Variants in DCT observed in about 807,000 individuals in gnomAD.
The protein encoded by DCT is dopachrome tautomerase.
DCT carries 47 observed loss-of-function variants against 53.0 expected under a neutral mutation model. That is an observed-to-expected ratio of 0.89 (90% CI 0.70 to 1.13). The LOEUF (loss-of-function observed/expected upper bound fraction) is 1.13. Among genes scored for constraint, DCT ranks in the 50% most tolerant of loss-of-function variants. The pLI, the probability that DCT is intolerant of heterozygous loss-of-function variation, is 0.00. For synonymous variants in DCT, 244 were observed against 237.0 expected (o/e 1.03, Z -0.27); for missense variants, 669 against 637.4 (o/e 1.05, Z -0.53).
At chr13:94,506,834 A>T in the DCT span, among the ~76,000 whole-genome samples, 1 of 152,234 alleles carries the variant, frequency 6.6e-6, no homozygotes, top group Non-Finnish European at 1.5e-5. Flanking sequence ...TATCATGTAC[A>T]TCCTGTTATT....
intron 2 of DCT, chr13:94,466,867 T>C: frequency 3.1e-6 from 1 of 325,390 alleles, no homozygotes; most frequent in Non-Finnish European, 5.6e-6. Flanking sequence ...AACCCTCCTT[T>C]ATCTCTTAAA....
At chr13:94,491,737 G>A in the DCT span, among the ~76,000 whole-genome samples, 3 of 152,190 alleles carry the variant, frequency 2.0e-5, no homozygotes. Context: ...CTGGTGACAT[G>A]AAGAATTCTG....
the DCT span, among the ~76,000 whole-genome samples, chr13:94,498,393 G>T: frequency 6.6e-6 from 1 of 152,226 alleles, no homozygotes; most frequent in African/African-American, 2.4e-5. Context: ...TCATACTGAT[G>T]CCCTAATCCC....
At chr13:94,471,777 G>A (rs943902449) in intron 1 of DCT, among the ~76,000 whole-genome samples, 3 of 152,182 alleles carry the variant, frequency 2.0e-5, no homozygotes, top group Admixed American at 6.5e-5. Context: ...TAGCTGATTG[G>A]AGGTAAATGT....
At position 94,479,456 on chromosome 13, in the gene DCT, A is replaced by ATGTAAC; in HGVS notation, c.-202_-201insGTTACA. ...CACATGTGTACATGAACGTGCACAC[A>ATGTAAC]CAATTTTATGTGATTCAAACAACTA... On this transcript the variant is annotated 5_prime_UTR_variant, in exon 1 of 8. It adds an upstream start codon to the 5' untranslated region. Coordinates refer to ENST00000377028, the MANE Select transcript of DCT (RefSeq NM_001922.5). 1 of 526,368 alleles carries ATGTAAC rather than the reference A, an allele frequency of 1.9e-6. No homozygotes were observed. Among genetic ancestry groups the ATGTAAC allele is most frequent in the Non-Finnish European group, 3.3e-6 (1 of 305,642 alleles). The allele number at this position is 526,368 out of a possible 1,614,324, so 32.6% of individuals were successfully genotyped here. A position where few individuals can be genotyped will look rare whatever the true frequency, so the allele number is the denominator to read the frequency against.
In DCT at chr13:94,466,546, G is replaced by C. The variant is rs1286070342; in HGVS notation, c.696+12C>G. 6.4e-7 allele frequency: 1 copy of C among 1,572,186 alleles called. No individual in the cohort carries two copies. The highest frequency in any genetic ancestry group is 2.3e-5 in the East Asian group (1 of 44,436). Reference sequence around the variant, plus strand: ...AAAAATTAAAAGAACTAAATGCATAGTTTTGACCTACCTGGAGATCTCTTT... The same window carrying C: ...AAAAATTAAAAGAACTAAATGCATACTTTTGACCTACCTGGAGATCTCTTT... On this transcript the variant is annotated intron_variant, in intron 3 of 7. Transcript: ENST00000377028.
At chr13:94,531,490 A>C in the DCT span, among the ~76,000 whole-genome samples, 1 of 152,144 alleles carries the variant, frequency 6.6e-6, no homozygotes, top group East Asian at 1.9e-4. Context: ...AACACCACAC[A>C]TCTACGACCG....
the DCT span, among the ~76,000 whole-genome samples, chr13:94,521,666 T>TA: frequency 1.3e-5 from 2 of 151,006 alleles, no homozygotes; most frequent in Non-Finnish European, 2.9e-5. Flanking sequence ...TGAGACTCTG[T>TA]AAAAAACAAA....
At chr13:94,488,615 T>C in the DCT span, among the ~76,000 whole-genome samples, 2 of 151,668 alleles carry the variant, frequency 1.3e-5, no homozygotes, top group South Asian at 2.1e-4. Flanking sequence ...TCAGGGAAGC[T>C]GAGATGGGAG....
chr13:94,489,884 C>T, the DCT span, among the ~76,000 whole-genome samples: 1 of 151,958 alleles, frequency 6.6e-6, no homozygotes, highest in African/African-American at 2.4e-5. Flanking sequence ...TATTCTTGTC[C>T]ATAATGCAAT....
At chr13:94,453,178 G>T (rs914848975) in intron 6 of DCT, among the ~76,000 whole-genome samples, 2 of 152,008 alleles carry the variant, frequency 1.3e-5, no homozygotes, top group African/African-American at 4.8e-5. Context: ...AAGGATGTGC[G>T]TACCTTATAT....
intron 1 of DCT, among the ~76,000 whole-genome samples, chr13:94,477,376 C>A (rs1034834598): frequency 6.6e-6 from 1 of 152,058 alleles, no homozygotes; most frequent in African/African-American, 2.4e-5. Flanking sequence ...GGATTACAGG[C>A]GTGAGCCACT....
chr13:94,503,780 T>A, the DCT span, among the ~76,000 whole-genome samples: 5 of 152,220 alleles, frequency 3.3e-5, no homozygotes, highest in Non-Finnish European at 7.3e-5. Flanking sequence ...ACTGCTGTTT[T>A]AAGCCACTCA....
At chr13:94,458,106 A>T (rs1883530087) in intron 6 of DCT, among the ~76,000 whole-genome samples, 2 of 152,176 alleles carry the variant, frequency 1.3e-5, no homozygotes, top group South Asian at 4.1e-4. Context: ...CCCGGCTAAT[A>T]TGAGCATCTG....
rs747130067 is a variant in DCT, at chr13:94,468,942, C to G, written c.399G>C (p.Leu133Phe). ...AGAACTGCTCTCTTTCCTGAGGACT[C>G]AAGGAATGGATGTTCTGCCGAATCA... ...PPVIRQNIHSLSPQEREQFLG... is the reference protein window; with the variant it reads ...PPVIRQNIHSFSPQEREQFLG... The change falls in exon 2 of 8, where the codon TTG becomes TTC. Residue 133 changes from leucine (L) to phenylalanine (F), a missense_variant. Physicochemically the swap from Leu to Phe is conservative, Grantham distance 22. Transcript: ENST00000377028. 1 of 1,614,082 alleles carries G rather than the reference C, an allele frequency of 6.2e-7. No homozygotes were observed. The highest frequency in any genetic ancestry group is 1.3e-5 in the African/African-American group (1 of 75,026).
the DCT span, among the ~76,000 whole-genome samples, chr13:94,499,638 A>G: frequency 1.3e-5 from 2 of 152,208 alleles, no homozygotes; most frequent in African/African-American, 2.4e-5. Flanking sequence ...AAATAAGCAA[A>G]GTGCACCATC....
the DCT span, among the ~76,000 whole-genome samples, chr13:94,528,680 GA>G: frequency 1.3e-5 from 2 of 151,586 alleles, no homozygotes; most frequent in Admixed American, 1.3e-4. Context: ...CCAGCCATTG[GA>G]AAAACATGCC....
chr13:94,488,230 C>T, the DCT span, among the ~76,000 whole-genome samples: 9 of 152,062 alleles, frequency 5.9e-5, no homozygotes, highest in African/African-American at 2.2e-4. Context: ...CTTCAAAATA[C>T]AGTTCTATGG....
the DCT span, among the ~76,000 whole-genome samples, chr13:94,520,501 T>A: frequency 6.6e-6 from 1 of 152,190 alleles, no homozygotes; most frequent in Admixed American, 6.5e-5. Flanking sequence ...AAGCAATCTC[T>A]AGCACGTTGA....
Sources: gnomAD v4.1 joint callset for allele counts (sites outside exome capture counted in the v4.1 genomes callset) on GRCh38, gnomAD v4.1.1 for gene constraint, MANE v1.5 for transcripts, NCBI Gene and HGNC (gene_info 2026-07-23, HGNC 2026-07-21) for gene names.